The following FSD1L variants were observed in gnomAD, a reference collection of about 807,000 sequenced individuals.
The protein encoded by FSD1L is FSD1-like protein.
A neutral mutation model predicts 71.6 loss-of-function variants in FSD1L; 45 were observed. That is an observed-to-expected ratio of 0.63 (90% confidence interval 0.49 to 0.81). The LOEUF is 0.81. Ranked by LOEUF, FSD1L falls within the 30% of genes least tolerant of loss-of-function variation. FSD1L has a pLI of 0.00. For missense variants in FSD1L, 561 were observed against 618.1 expected (o/e 0.91, Z 0.98); for synonymous variants, 197 against 207.2 (o/e 0.95, Z 0.42).
At chr9:105,539,143 C>T (rs1836448601) in intron 12 of FSD1L, 120 bp from the exon 13 acceptor site, 2 of 578,712 alleles carry the variant, frequency 3.5e-6, no homozygotes, top group Non-Finnish European at 3.0e-6. Flanking sequence ...TAATCCAGTC[C>T]TCATACAAAA....
chr9:105,530,476 A>T, intron 10 of FSD1L: 1 of 601,826 alleles, frequency 1.7e-6, no homozygotes, highest in Non-Finnish European at 2.9e-6. Context: ...TCTTTTCTCC[A>T]TGCTTCCCTT....
At position 105,455,899 on chromosome 9, in the gene FSD1L, C is replaced by A. The variant is rs369903351; in HGVS notation, c.16-5621C>A. Among the ~76,000 whole-genome samples the A allele has an allele frequency of 4.6e-5, 7 of 152,230 alleles. 1 individual carries two copies. The highest frequency in any genetic ancestry group is 1.7e-4 in the African/African-American group (7 of 41,532). On this transcript the variant is annotated intron_variant, in intron 1 of 13. Transcript: ENST00000481272. ...ATTATAGATCTATTTGTGGTATTTG[C>A]AGGGGCTCTAGATTTTTGTATCTTG... is the stretch of plus-strand genomic sequence containing the variant.
chr9:105,445,638 G>C (rs1588889449), upstream of FSD1L, among the ~76,000 whole-genome samples: 1 of 152,166 alleles, frequency 6.6e-6, no homozygotes, highest in East Asian at 1.9e-4. Context: ...AGCAGGGGCA[G>C]AGCCAGGAAG....
At chr9:105,520,090 G>A (rs572336367) in intron 10 of FSD1L, 1 of 1,533,440 alleles carries the variant, frequency 6.5e-7, no homozygotes, top group African/African-American at 1.4e-5. Context: ...GGAGCCGGCT[G>A]TGGCAGTGGC....
At chr9:105,529,245 T>C (rs181117232) in intron 10 of FSD1L, among the ~76,000 whole-genome samples, 44 of 152,254 alleles carry the variant, frequency 2.9e-4, no homozygotes, top group Non-Finnish European at 5.3e-4. Flanking sequence ...ACTAGAAATA[T>C]CATTTGACCC....
chr9:105,532,124 C>T (rs1374639660), intron 10 of FSD1L, among the ~76,000 whole-genome samples: 1 of 152,122 alleles, frequency 6.6e-6, no homozygotes, highest in Non-Finnish European at 1.5e-5. Flanking sequence ...GTTTAAACAC[C>T]ATTGATTTCA....
upstream of FSD1L, chr9:105,447,751 T>C (rs1829706575): frequency 4.5e-6 from 1 of 221,182 alleles, no homozygotes; most frequent in Admixed American, 6.0e-5. Flanking sequence ...TTCAGATGCG[T>C]GCTGGGTGGA....
intron 10 of FSD1L, chr9:105,520,774 T>C (rs551410015): frequency 4.3e-6 from 7 of 1,612,664 alleles, no homozygotes; most frequent in East Asian, 2.2e-5. Flanking sequence ...GATAATCTCA[T>C]TAATCCTCCA....
intron 7 of FSD1L, among the ~76,000 whole-genome samples, chr9:105,494,723 A>G (rs923271184): frequency 2.0e-5 from 3 of 152,194 alleles, no homozygotes; most frequent in Admixed American, 6.5e-5. Context: ...TCTAACAGAC[A>G]GGACCTCAGC....
At chr9:105,521,528 A>G in intron 10 of FSD1L, 1 of 1,613,956 alleles carries the variant, frequency 6.2e-7, no homozygotes, top group Non-Finnish European at 8.5e-7. Context: ...CAATTTGTGA[A>G]GCAGCAGCTA....
At position 105,538,370 on chromosome 9, in the gene FSD1L, CT is replaced by C. The variant is rs577475695; in HGVS notation, c.1379-890del. ...AAATATTAGTTTATTTTATCTTCCT[CT>C]TTGGTGGCAGTTGATTTATTAAGGA... is the stretch of plus-strand genomic sequence containing the variant. On this transcript the variant is annotated intron_variant, in intron 12 of 13. Coordinates refer to ENST00000481272, the MANE Select transcript of FSD1L (RefSeq NM_001145313.3). 2.6e-3 allele frequency among the ~76,000 whole-genome samples: 391 copies of C among 152,202 alleles called. 2 individuals carry two copies. Among genetic ancestry groups the C allele is most frequent in the African/African-American group, 8.6e-3 (357 of 41,536 alleles).
intron 7 of FSD1L, among the ~76,000 whole-genome samples, chr9:105,493,873 G>A (rs527703771): frequency 6.6e-6 from 1 of 152,234 alleles, no homozygotes; most frequent in Admixed American, 6.5e-5. Flanking sequence ...GAGATCCGCT[G>A]TTAGTCTGAT....
At chr9:105,461,828 A>G (rs1830717840) in intron 2 of FSD1L, among the ~76,000 whole-genome samples, 2 of 152,178 alleles carry the variant, frequency 1.3e-5, no homozygotes, top group South Asian at 4.1e-4. Flanking sequence ...AGCCTGGGCA[A>G]CATAGTGAGA....
intron 6 of FSD1L, among the ~76,000 whole-genome samples, 166 bp from the exon 7 acceptor site, chr9:105,484,214 AT>A (rs1832388589): frequency 6.6e-6 from 1 of 152,028 alleles, no homozygotes; most frequent in Non-Finnish European, 1.5e-5. Flanking sequence ...GTAGTTTTTT[AT>A]TTAGTTAATT....
At position 105,467,754 on chromosome 9, in the gene FSD1L, G is replaced by A. The variant is rs190760089; in HGVS notation, c.208-439G>A. Among the ~76,000 whole-genome samples, 488 of 152,292 alleles carry A rather than the reference G, an allele frequency of 3.2e-3. 3 individuals carry two copies. Among genetic ancestry groups the A allele is most frequent in the Admixed American group, 0.011 (168 of 15,294 alleles). On this transcript the variant is annotated intron_variant, in intron 3 of 13. Transcript: ENST00000481272. ...TCCGCCTCATTTCTGTATGTGCAAA[G>A]TGTTCCTCGGAATTACTGAATTAAA...
At chr9:105,499,357 A>G (rs1355299850) in intron 7 of FSD1L, among the ~76,000 whole-genome samples, 2 of 152,202 alleles carry the variant, frequency 1.3e-5, no homozygotes, top group African/African-American at 2.4e-5. Flanking sequence ...AAGAAAAATA[A>G]GTTTTTATTT....
At position 105,523,653 on chromosome 9, in the gene FSD1L, G is replaced by T. The variant is rs534180442; in HGVS notation, c.1025+10717G>T. On this transcript the variant is annotated intron_variant, in intron 10 of 13. Coordinates refer to ENST00000481272, the MANE Select transcript of FSD1L (RefSeq NM_001145313.3). Reference sequence around the variant, plus strand: ...AATTCTTACACCTTGGCTTTTTAAGGCAACCATGTTGACTGATAAATATAA... The same window carrying T: ...AATTCTTACACCTTGGCTTTTTAAGTCAACCATGTTGACTGATAAATATAA... The T allele has an allele frequency of 1.3e-4, 205 of 1,606,136 alleles. No homozygotes were observed. In the African/African-American group the frequency reaches 2.5e-3, roughly 20 times the overall value.
intron 4 of FSD1L, among the ~76,000 whole-genome samples, chr9:105,469,665 C>T (rs72744260): frequency 0.029 from 4,319 of 146,534 alleles, 110 homozygotes; most frequent in Non-Finnish European, 0.046. Context: ...TCTATTCATT[C>T]TGGATATTAA....
chr9:105,524,241 A>G, intron 10 of FSD1L: 1 of 1,612,330 alleles, frequency 6.2e-7, no homozygotes, highest in Non-Finnish European at 8.5e-7. Context: ...GTTTACTAAT[A>G]AAACAGTAGC....
Sources: allele counts gnomAD v4.1 joint callset (sites outside exome capture counted in the v4.1 genomes callset), GRCh38; gene constraint gnomAD v4.1.1; transcripts MANE v1.5; gene names NCBI Gene and HGNC (gene_info 2026-07-23, HGNC 2026-07-21).